The following IFI16 variants were observed in gnomAD, a reference collection of about 807,000 sequenced individuals.
IFI16 encodes interferon gamma inducible protein 16, also known as gamma-interferon-inducible protein 16.
Under a neutral mutation model 68.4 loss-of-function variants are expected in IFI16, and 49 were observed. The observed-to-expected ratio is 0.72, with a 90% CI of 0.57 to 0.91. IFI16 has a LOEUF of 0.91. Among genes scored for constraint, IFI16 ranks in the 40% least tolerant of loss-of-function variants. IFI16 has a pLI of 0.00. For synonymous variants in IFI16, 307 were observed against 315.0 expected, an observed-to-expected ratio of 0.97 and a Z score of 0.27; for missense variants, 878 against 942.9, an observed-to-expected ratio of 0.93 and a Z score of 0.90.
Position 159,018,402 on chromosome 1 carries a change from T to C in IFI16, c.723T>C (p.His241=), listed in dbSNP as rs1251737390. ...TGGCTACACAGACACAGTTCTTCCA[T>C]GTGAAGGTTTTAAACACCAGCTTGA... ...ATVATQTQFF[H]VKVLNTSLKE... Residue 241 remains histidine (H), a synonymous_variant, in exon 5 of 12, where the codon CAT becomes CAC. Transcript: ENST00000295809. The C allele has an allele frequency of 6.2e-7, 1 of 1,613,990 alleles. No homozygotes were observed. Among genetic ancestry groups the C allele is most frequent in the Non-Finnish European group, 8.5e-7 (1 of 1,179,968 alleles).
At chr1:159,038,213 G>A (rs747824714) in intron 7 of IFI16, among the ~76,000 whole-genome samples, 7 of 152,126 alleles carry the variant, frequency 4.6e-5, no homozygotes, top group Non-Finnish European at 1.0e-4. Flanking sequence ...TATATGTAGT[G>A]TTGAATTTTG....
At chr1:159,017,315 A>T (rs1022050134) in intron 4 of IFI16, among the ~76,000 whole-genome samples, 5 of 152,190 alleles carry the variant, frequency 3.3e-5, no homozygotes, top group Non-Finnish European at 5.9e-5. Context: ...TGAGGGGTTT[A>T]TCCTACTTGT....
Position 159,032,577 on chromosome 1 carries a change from C to T in IFI16, c.1215C>T (p.Pro405=). 4 of 1,611,954 alleles carry T rather than the reference C, an allele frequency of 2.5e-6. No homozygotes were observed. The highest frequency in any genetic ancestry group is 3.4e-6 in the Non-Finnish European group (4 of 1,178,908). Residue 405 remains proline, a synonymous_variant, in exon 7 of 12, where the codon CCC becomes CCT. Coordinates refer to ENST00000295809, the MANE Select transcript of IFI16 (RefSeq NM_001376587.1). The part of the protein sequence containing the change: ...RNNDPKSMKL[P]QEQRQLPYPS... ...ATGACCCCAAGAGCATGAAGCTACC[C>T]CAGGAACAGCGTCAGCTTCCATATC...
rs1405126099 is a variant in IFI16, at chr1:159,045,895, A to G, written c.1497+431A>G. On this transcript the variant is annotated intron_variant, in intron 8 of 11. Transcript: ENST00000295809. ...AAGCAAAAATAATTAATTTTTAACT[A>G]TCAGAAATCTTTATCTAATGCCACA... Among the ~76,000 whole-genome samples, 20 of 151,292 alleles carry G rather than the reference A, an allele frequency of 1.3e-4. 1 individual carries two copies. The Admixed American group carries it at 1.3e-3, about 10-fold the overall frequency.
intron 11 of IFI16, 107 bp from the exon 12 acceptor site, chr1:159,054,713 TA>T (rs1655572431): frequency 3.4e-6 from 2 of 590,986 alleles, no homozygotes; most frequent in South Asian, 2.3e-5. Context: ...TAGAAAGGAA[TA>T]GGGGAAGAGA....
Position 159,052,155 on chromosome 1 carries a change from C to G in IFI16, c.2085+57C>G. 2.1e-6 allele frequency: 3 copies of G among 1,407,314 alleles called. No homozygotes were observed. In the South Asian group the frequency reaches 3.9e-5, roughly 18 times the overall value. 87.2% of individuals were successfully genotyped at this position (1,407,314 alleles called of 1,614,324 possible). On this transcript the variant is annotated intron_variant, in intron 10 of 11. Coordinates refer to ENST00000295809, the MANE Select transcript of IFI16 (RefSeq NM_001376587.1). Reference sequence around the variant, plus strand: ...TCCTGCAACCTCCAATTTTTAAAGTCTTAACTTGTCAACTGGAGTTTGGTC... The same window carrying G: ...TCCTGCAACCTCCAATTTTTAAAGTGTTAACTTGTCAACTGGAGTTTGGTC...
At chr1:159,015,807 C>G in intron 2 of IFI16, 65 bp from the exon 3 acceptor site, 2 of 1,176,716 alleles carry the variant, frequency 1.7e-6, no homozygotes, top group Non-Finnish European at 1.3e-6. Flanking sequence ...CTTCAGCTGT[C>G]GGAGATCGTT....
chr1:159,020,246 T>C, intron 5 of IFI16, 95 bp from the exon 6 acceptor site: 1 of 831,324 alleles, frequency 1.2e-6, no homozygotes, highest in Non-Finnish European at 2.0e-6. Context: ...GTTGCTGTTG[T>C]GCATCTTGTT....
At chr1:159,031,831 C>T (rs1015700133) in intron 6 of IFI16, among the ~76,000 whole-genome samples, 3 of 152,088 alleles carry the variant, frequency 2.0e-5, no homozygotes, top group Non-Finnish European at 4.4e-5. Flanking sequence ...ATATAAAACT[C>T]GTGGTAAATA....
In IFI16 at chr1:159,016,632, A is replaced by G; in HGVS notation, c.481A>G (p.Thr161Ala). The change falls in exon 4 of 12, where the codon ACA becomes GCA. Residue 161 changes from threonine (T) to alanine (A), a missense_variant. Coordinates refer to ENST00000295809, the MANE Select transcript of IFI16 (RefSeq NM_001376587.1). ...PPSPAGAGMS[T>A]AMGRSPSPKT... ...CTCTCCTGCAGGAGCCGGCATGTCC[A>G]CAGCCATGGGCCGTTCCCCATCTCC... The G allele has an allele frequency of 2.5e-6, 4 of 1,614,144 alleles. No homozygotes were observed. Among genetic ancestry groups the G allele is most frequent in the Middle Eastern group, 1.6e-4 (1 of 6,062 alleles).
At chr1:159,024,071 G>A (rs567948846) in intron 6 of IFI16, among the ~76,000 whole-genome samples, 1 of 152,288 alleles carries the variant, frequency 6.6e-6, no homozygotes, top group East Asian at 1.9e-4. Flanking sequence ...TGGCCCTCTG[G>A]GCTACCATGC....
chr1:159,034,328 T>C (rs1318449833), intron 7 of IFI16, among the ~76,000 whole-genome samples: 3 of 152,200 alleles, frequency 2.0e-5, no homozygotes, highest in Non-Finnish European at 4.4e-5. Context: ...CCTACTAGTC[T>C]CTGTGTCTTT....
At chr1:159,053,366 A>G (rs1324533669) in intron 10 of IFI16, 167 bp from the exon 11 acceptor site, 4 of 440,876 alleles carry the variant, frequency 9.1e-6, no homozygotes, top group Non-Finnish European at 1.6e-5. Flanking sequence ...GTTGAAAGGC[A>G]GGATTCAAAG....
intron 6 of IFI16, among the ~76,000 whole-genome samples, chr1:159,024,799 A>G (rs1553208014): frequency 6.7e-6 from 1 of 149,460 alleles, no homozygotes; most frequent in South Asian, 2.1e-4. Context: ...ATAACAAAAG[A>G]AAAAAATATA....
At chr1:159,037,358 CCACT>C (rs1332486556) in intron 7 of IFI16, among the ~76,000 whole-genome samples, 2 of 152,190 alleles carry the variant, frequency 1.3e-5, no homozygotes, top group African/African-American at 4.8e-5. Flanking sequence ...GGTTGTCTCA[CCACT>C]CACTCTAAGA....
intron 6 of IFI16, 93 bp downstream of exon 6, chr1:159,020,622 A>G (rs856049): frequency 0.76 from 618,937 of 814,456 alleles, 245,684 homozygotes; most frequent in Non-Finnish European, 0.82. Flanking sequence ...TTTTTTACAG[A>G]GTTCAGCGGG....
chr1:159,002,566 A>G (rs1279338682), upstream of IFI16, among the ~76,000 whole-genome samples: 1 of 152,050 alleles, frequency 6.6e-6, no homozygotes, highest in African/African-American at 2.4e-5. Flanking sequence ...ACCTCATACC[A>G]TTTGTATTTC....
intron 7 of IFI16, among the ~76,000 whole-genome samples, chr1:159,037,557 C>T (rs1251992166): frequency 6.6e-6 from 1 of 152,128 alleles, no homozygotes. Context: ...GGTATGGTAG[C>T]AGGGATTATT....
At chr1:159,021,940 T>C (rs918541453) in intron 6 of IFI16, among the ~76,000 whole-genome samples, 2 of 460 alleles carry the variant, frequency 4.3e-3, no homozygotes, top group African/African-American at 0.012. Context: ...CCCTTAGCCC[T>C]TTTTTTTTTT....
Sources: allele counts gnomAD v4.1 joint callset (sites outside exome capture counted in the v4.1 genomes callset), GRCh38; gene constraint gnomAD v4.1.1; transcripts MANE v1.5; gene names NCBI Gene and HGNC (gene_info 2026-07-23, HGNC 2026-07-21).